The following ADAMTSL1 variants were observed in gnomAD, a reference collection of about 807,000 sequenced individuals.
The protein encoded by ADAMTSL1 is ADAMTS-like protein 1.
Under a neutral mutation model 201.8 loss-of-function variants are expected in ADAMTSL1, and 126 were observed. That is an observed-to-expected ratio of 0.62 (90% CI 0.54 to 0.72). The LOEUF (loss-of-function observed/expected upper bound fraction) is 0.72. ADAMTSL1 is among the 30% of genes least tolerant of loss of function. ADAMTSL1 has a pLI of 0.00. For synonymous variants in ADAMTSL1, 1,121 were observed against 903.4 expected (o/e 1.24, Z -4.32); for missense variants, 2,679 against 2,277.8 (o/e 1.18, Z -3.59).
intron 3 of ADAMTSL1, among the ~76,000 whole-genome samples, chr9:18,538,174 G>C (rs1418825862): frequency 2.0e-5 from 3 of 152,158 alleles, no homozygotes; most frequent in South Asian, 2.1e-4. Flanking sequence ...CGGTAGTTCA[G>C]GTGGGTGCTA....
At chr9:18,392,780 T>A (rs907896984) in intron 2 of ADAMTSL1, among the ~76,000 whole-genome samples, 3 of 152,208 alleles carry the variant, frequency 2.0e-5, no homozygotes, top group African/African-American at 7.2e-5. Flanking sequence ...AAAATAATAA[T>A]CTTCTTAATT....
At chr9:18,889,452 C>G in intron 24 of ADAMTSL1, 116 bp from the exon 25 acceptor site, 12 of 1,130,098 alleles carry the variant, frequency 1.1e-5, no homozygotes, top group Non-Finnish European at 1.5e-5. Flanking sequence ...AATAGCTCCT[C>G]TCCTTCAGGC....
chr9:18,706,875 A>G lies in ADAMTSL1; in HGVS notation c.1703A>G (p.Glu568Gly). The G allele has an allele frequency of 6.2e-7, 1 of 1,613,774 alleles. No individual in the cohort carries two copies. Among genetic ancestry groups the G allele is most frequent in the East Asian group, 2.2e-5 (1 of 44,858 alleles). The part of the protein sequence containing the change: ...SVADLPIDEC[E>G]GPKPASQRAC... ...GCTGACCTGCCTATTGACGAGTGTGAAGGGCCCAAGCCAGCATCCCAGCGT... is the reference window on the plus strand; with the variant it reads ...GCTGACCTGCCTATTGACGAGTGTGGAGGGCCCAAGCCAGCATCCCAGCGT... The change falls in exon 14 of 29, where the codon GAA (glutamate) becomes GGA (glycine). Residue 568 changes from glutamate to glycine, a missense_variant. By Grantham distance (98) the Glu-to-Gly change is moderately conservative. Transcript: ENST00000380548.
chr9:18,681,703 G>A (rs533487198), intron 11 of ADAMTSL1, 109 bp from the exon 12 acceptor site: 21 of 710,284 alleles, frequency 3.0e-5, no homozygotes, highest in South Asian at 2.5e-4. Context: ...CGTGTGGGGG[G>A]GGGGGGCGGG....
chr9:18,607,701 A>G (rs1375680984), intron 4 of ADAMTSL1, among the ~76,000 whole-genome samples: 1 of 151,968 alleles, frequency 6.6e-6, no homozygotes, highest in African/African-American at 2.4e-5. Context: ...AGCATTAGGT[A>G]TATTTCCTAA....
At chr9:18,647,592 G>C (rs1827903511) in intron 7 of ADAMTSL1, among the ~76,000 whole-genome samples, 1 of 151,870 alleles carries the variant, frequency 6.6e-6, no homozygotes, top group Admixed American at 6.6e-5. Flanking sequence ...TTGTGTCTTT[G>C]TTCTCGTTGG....
At chr9:18,681,706 G>GGGGC in intron 11 of ADAMTSL1, 106 bp from the exon 12 acceptor site, 1 of 569,266 alleles carries the variant, frequency 1.8e-6, no homozygotes, top group Non-Finnish European at 2.5e-6. Flanking sequence ...GTGGGGGGGG[G>GGGGC]GGGCGGGGAA....
intron 2 of ADAMTSL1, among the ~76,000 whole-genome samples, chr9:18,467,075 AG>A (rs1821035920): frequency 6.6e-6 from 1 of 152,210 alleles, no homozygotes. Context: ...ATCTAATGGC[AG>A]TTACGTAAAG....
intron 2 of ADAMTSL1, among the ~76,000 whole-genome samples, chr9:18,368,020 C>CCCCG (rs1295034139): frequency 6.6e-6 from 1 of 152,050 alleles, no homozygotes; most frequent in African/African-American, 2.4e-5. Flanking sequence ...CTGCCTCAGC[C>CCCCG]CCCTGAGTAG....
chr9:18,833,445 T>G (rs1825117373), intron 23 of ADAMTSL1, among the ~76,000 whole-genome samples: 1 of 152,272 alleles, frequency 6.6e-6, no homozygotes, highest in Non-Finnish European at 1.5e-5. Context: ...TTTGCGTTTC[T>G]CTAATAATCA....
At chr9:18,391,803 C>CT (rs1201487444) in intron 2 of ADAMTSL1, among the ~76,000 whole-genome samples, 1 of 142,978 alleles carries the variant, frequency 7.0e-6, no homozygotes, top group Non-Finnish European at 1.5e-5. Context: ...GAATCAACTA[C>CT]TTTTTTTCTT....
chr9:18,852,389 A>G (rs1045168973), intron 23 of ADAMTSL1, among the ~76,000 whole-genome samples: 2 of 152,158 alleles, frequency 1.3e-5, no homozygotes, highest in Admixed American at 6.5e-5. Context: ...AGTCATTCTT[A>G]TTTTGGTAGT....
chr9:18,560,103 G>T (rs1186312339), intron 3 of ADAMTSL1, among the ~76,000 whole-genome samples: 2 of 152,272 alleles, frequency 1.3e-5, no homozygotes, highest in East Asian at 3.9e-4. Flanking sequence ...CAAAGGGAAT[G>T]CTTCCAGCTT....
intron 4 of ADAMTSL1, among the ~76,000 whole-genome samples, chr9:18,604,030 A>C (rs570976196): frequency 2.0e-5 from 3 of 152,220 alleles, no homozygotes; most frequent in Non-Finnish European, 4.4e-5. Context: ...ATTTATCCCT[A>C]TGCATTTGGG....
intron 23 of ADAMTSL1, among the ~76,000 whole-genome samples, chr9:18,840,270 C>G (rs1825628721): frequency 6.6e-6 from 1 of 151,992 alleles, no homozygotes; most frequent in Non-Finnish European, 1.5e-5. Context: ...CCAGTTTTCC[C>G]AGCACCATTT....
At chr9:18,195,914 T>A (rs1177782125) in intron 2 of ADAMTSL1, among the ~76,000 whole-genome samples, 2 of 152,162 alleles carry the variant, frequency 1.3e-5, no homozygotes, top group Non-Finnish European at 2.9e-5. Context: ...TTCTCTTTTT[T>A]TGGAAATTAT....
At chr9:18,762,510 A>G (rs534306397) in intron 16 of ADAMTSL1, among the ~76,000 whole-genome samples, 1 of 152,106 alleles carries the variant, frequency 6.6e-6, no homozygotes, top group Non-Finnish European at 1.5e-5. Context: ...AAACAACCCA[A>G]TTACACTCTT....
chr9:18,253,732 T>G (rs1173899389), intron 2 of ADAMTSL1, among the ~76,000 whole-genome samples: 2 of 152,134 alleles, frequency 1.3e-5, no homozygotes, highest in Admixed American at 6.5e-5. Flanking sequence ...TTAATCCAAT[T>G]TGATGCTTTA....
At chr9:18,109,692 C>T (rs961547945) in intron 1 of ADAMTSL1, among the ~76,000 whole-genome samples, 4 of 152,238 alleles carry the variant, frequency 2.6e-5, no homozygotes, top group Admixed American at 1.3e-4. Flanking sequence ...CTTTTAGACC[C>T]CCTTTACCAA....
Sources: allele counts gnomAD v4.1 joint callset (sites outside exome capture counted in the v4.1 genomes callset), GRCh38; gene constraint gnomAD v4.1.1; transcripts MANE v1.5; gene names NCBI Gene and HGNC (gene_info 2026-07-23, HGNC 2026-07-21).